GDA: variants seen among roughly 807,000 people sequenced by gnomAD.
GDA encodes the protein cytoplasmic PSD-95 interactor.
GDA carries 18 observed loss-of-function variants against 59.6 expected under a neutral mutation model. The observed-to-expected ratio is 0.30, with a 90% CI of 0.21 to 0.45. The LOEUF (loss-of-function observed/expected upper bound fraction) is 0.45, where lower values mean the gene tolerates loss of function less well. Ranked by LOEUF, GDA falls within the 20% of genes least tolerant of loss-of-function variation. The pLI, the probability that GDA is intolerant of heterozygous loss-of-function variation, is 1.00. For synonymous variants in GDA, 201 were observed against 201.1 expected, an observed-to-expected ratio of 1.00 and a Z score of 0.00; for missense variants, 427 against 552.3, an observed-to-expected ratio of 0.77 and a Z score of 2.27.
rs538392152 is a variant in GDA, at chr9:72,157,814, T to C, written c.123+8132T>C. On this transcript the variant is annotated intron_variant, in intron 1 of 13. Coordinates refer to ENST00000358399, the MANE Select transcript of GDA (RefSeq NM_004293.5). The stretch of plus-strand genomic sequence containing the variant: ...TATTTGGCCCCAACCTGTTCTCTAA[T>C]TCTTTCTGTTGCTTCATTTATCTGT... Among the ~76,000 whole-genome samples the C allele has an allele frequency of 2.0e-5, 3 of 152,328 alleles. No individual in the cohort carries two copies. In the South Asian group the frequency reaches 6.2e-4, roughly 32 times the overall value.
intron 1 of GDA, among the ~76,000 whole-genome samples, chr9:72,141,644 G>T (rs1241995708): frequency 1.3e-5 from 2 of 152,120 alleles, no homozygotes; most frequent in African/African-American, 4.8e-5. Context: ...ATGGAGTCTA[G>T]GAACATGCAT....
intron 1 of GDA, among the ~76,000 whole-genome samples, chr9:72,182,052 T>C (rs548670565): frequency 6.6e-6 from 1 of 152,288 alleles, no homozygotes; most frequent in East Asian, 1.9e-4. Flanking sequence ...TTTTCTGGAC[T>C]GAGAGTAAGT....
intron 1 of GDA, among the ~76,000 whole-genome samples, chr9:72,132,401 A>G (rs1010346876): frequency 6.6e-6 from 1 of 152,160 alleles, no homozygotes; most frequent in Non-Finnish European, 1.5e-5. Flanking sequence ...GGGTGAGTGC[A>G]CACTGTAGGA....
chr9:72,137,155 A>AGATCCTTTAAAATTTAG (rs1287732863), intron 1 of GDA, among the ~76,000 whole-genome samples: 1 of 151,780 alleles, frequency 6.6e-6, no homozygotes, highest in African/African-American at 2.4e-5. Flanking sequence ...GTGAAATTTA[A>AGATCCTTTAAAATTTAG]GATCCTTTAA....
chr9:72,247,091 G>A (rs1005462911), intron 12 of GDA, among the ~76,000 whole-genome samples: 3 of 152,166 alleles, frequency 2.0e-5, no homozygotes, highest in African/African-American at 7.2e-5. Flanking sequence ...CATCATACCC[G>A]TCTTGAAATA....
Position 72,213,759 on chromosome 9 carries a change from C to T in GDA, c.473-127C>T, listed in dbSNP as rs1265065512. The T allele has an allele frequency of 5.1e-5, 27 of 532,854 alleles. No homozygotes were observed. The East Asian group carries it at 6.9e-4, about 14-fold the overall frequency. The allele number at this position is 532,854 out of a possible 1,614,324, so 33.0% of individuals were successfully genotyped here. A position where few individuals can be genotyped will look rare whatever the true frequency, so the allele number is the denominator to read the frequency against. On this transcript the variant is annotated intron_variant, in intron 4 of 13. Coordinates refer to ENST00000358399, the MANE Select transcript of GDA (RefSeq NM_004293.5). ...CGGAGCTTGCAGTGAGCCGAGATTG[C>T]GCCACTGCAATCTGGCCTGGGCTAA...
intron 1 of GDA, among the ~76,000 whole-genome samples, chr9:72,160,126 C>T (rs1428845750): frequency 1.3e-5 from 2 of 151,870 alleles, no homozygotes; most frequent in South Asian, 2.1e-4. Flanking sequence ...GGTAAAACCC[C>T]GTCTCTACTA....
rs572032900 is a variant in GDA at position 72,123,591 on chromosome 9, G to A, written c.-100+8758G>A. 5.4e-5 allele frequency among the ~76,000 whole-genome samples: 8 copies of A among 147,574 alleles called. No individual in the cohort carries two copies. The South Asian group carries it at 1.1e-3, about 20-fold the overall frequency. ...CAGCCTCCATCTCCCGGGTTCAAGCGATTCTCCTGCCTCAGCCTCCCGAGT... is the reference window on the plus strand; with the variant it reads ...CAGCCTCCATCTCCCGGGTTCAAGCAATTCTCCTGCCTCAGCCTCCCGAGT... On this transcript the variant is annotated intron_variant, in intron 1 of 13. Coordinates refer to the GDA transcript ENST00000545168.
chr9:72,184,769 A>T (rs1045166027), intron 1 of GDA, among the ~76,000 whole-genome samples: 7 of 152,226 alleles, frequency 4.6e-5, no homozygotes, highest in African/African-American at 1.7e-4. Context: ...GTTAAATGTT[A>T]TTTCCATTTG....
downstream of GDA, among the ~76,000 whole-genome samples, chr9:72,258,792 G>A (rs987320786): frequency 6.6e-5 from 10 of 152,124 alleles, no homozygotes; most frequent in African/African-American, 2.4e-4. Context: ...GCTTGGACTC[G>A]GAAGAAAGAG....
At chr9:72,120,884 A>T (rs772883277) in intron 1 of GDA, among the ~76,000 whole-genome samples, 11 of 152,062 alleles carry the variant, frequency 7.2e-5, no homozygotes, top group Non-Finnish European at 1.5e-4. Flanking sequence ...CGACCCTGCA[A>T]ACTTACCAAC....
intron 1 of GDA, among the ~76,000 whole-genome samples, chr9:72,141,373 G>A (rs1826434320): frequency 1.3e-5 from 2 of 152,044 alleles, no homozygotes; most frequent in Admixed American, 1.3e-4. Flanking sequence ...ATACACAAAG[G>A]AAGGAAGTTT....
At chr9:72,233,057 A>G (rs1174316856) in intron 10 of GDA, among the ~76,000 whole-genome samples, 1 of 152,156 alleles carries the variant, frequency 6.6e-6, no homozygotes, top group African/African-American at 2.4e-5. Context: ...ATTTTTACCT[A>G]GTCCTTTTTG....
intron 1 of GDA, among the ~76,000 whole-genome samples, chr9:72,139,004 C>T (rs758297158): frequency 1.3e-5 from 2 of 152,254 alleles, no homozygotes; most frequent in East Asian, 1.9e-4. Context: ...CCATGCATTT[C>T]GTGTTATATT....
intron 1 of GDA, among the ~76,000 whole-genome samples, chr9:72,161,990 A>G (rs530382657): frequency 1.3e-5 from 2 of 152,368 alleles, no homozygotes; most frequent in South Asian, 4.1e-4. Context: ...ACACTGATGC[A>G]GAGTTTTTCT....
At chr9:72,228,942 T>G (rs968507930) in intron 9 of GDA, 1 of 152,002 alleles carries the variant, frequency 6.6e-6, no homozygotes, top group African/African-American at 2.4e-5. Flanking sequence ...CCCATGGATA[T>G]TACAAGTGTT....
chr9:72,256,801 C>A (rs749511296), downstream of GDA, among the ~76,000 whole-genome samples: 2 of 152,126 alleles, frequency 1.3e-5, no homozygotes, highest in Non-Finnish European at 2.9e-5. Context: ...GCATTACCAA[C>A]AAATACCTTG....
chr9:72,149,512 C>T lies in GDA; in HGVS notation c.-48C>T. 6.3e-7 allele frequency: 1 copy of T among 1,599,754 alleles called. No individual in the cohort carries two copies. Among genetic ancestry groups the T allele is most frequent in the Non-Finnish European group, 8.5e-7 (1 of 1,176,046 alleles). ...AGAGAGTCCCGCTGCGTCTCCGCCG[C>T]GTGCGCCCTCCTCGACCAGCAGACC... is the stretch of plus-strand genomic sequence containing the variant. On this transcript the variant is annotated 5_prime_UTR_variant, in exon 1 of 14. Transcript: ENST00000358399.
chr9:72,191,336 T>G (rs748060925), intron 1 of GDA, among the ~76,000 whole-genome samples: 30 of 152,164 alleles, frequency 2.0e-4, no homozygotes, highest in Non-Finnish European at 3.8e-4. Flanking sequence ...CAGTTATTTT[T>G]ACCAGCTGTA....
Sources: allele counts gnomAD v4.1 joint callset (sites outside exome capture counted in the v4.1 genomes callset), GRCh38; gene constraint gnomAD v4.1.1; transcripts MANE v1.5; gene names NCBI Gene and HGNC (gene_info 2026-07-23, HGNC 2026-07-21).